ELL: variants seen among roughly 807,000 people sequenced by gnomAD.
ELL encodes elongation factor for RNA polymerase II.
Under a neutral mutation model 64.0 loss-of-function variants are expected in ELL, and 18 were observed. The ratio of observed to expected loss-of-function variants is 0.28; its 90% CI spans 0.19 to 0.42. The LOEUF is 0.42. Ranked by LOEUF, ELL falls within the 10% of genes least tolerant of loss-of-function variation. The probability of loss-of-function intolerance (pLI) is 1.00; values close to 1 mark genes in which losing one functional copy is unlikely to be tolerated. For synonymous variants in ELL, 399 were observed against 376.2 expected, an observed-to-expected ratio of 1.06 and a Z score of -0.70; for missense variants, 797 against 870.4, an observed-to-expected ratio of 0.92 and a Z score of 1.06.
At chr19:18,495,048 C>G (rs568611518) in intron 1 of ELL, among the ~76,000 whole-genome samples, 1 of 152,324 alleles carries the variant, frequency 6.6e-6, no homozygotes, top group African/African-American at 2.4e-5. Flanking sequence ...GCCCTGGGAA[C>G]TCATCAGCCA....
chr19:18,507,796 C>G (rs929286316), intron 1 of ELL, among the ~76,000 whole-genome samples: 1 of 152,210 alleles, frequency 6.6e-6, no homozygotes, highest in Non-Finnish European at 1.5e-5. Context: ...TGAGGCTCAG[C>G]TCAGAGACTG....
intron 1 of ELL, among the ~76,000 whole-genome samples, chr19:18,473,778 T>G (rs1380201719): frequency 6.6e-6 from 1 of 152,068 alleles, no homozygotes; most frequent in Non-Finnish European, 1.5e-5. Context: ...CCCTGGCTGA[T>G]CACCATGATT....
rs539053386 is a variant in ELL, at chr19:18,493,651, G to A, written c.136-20769C>T. ...CTCCACAGACGCCTGGAAGGGAGGC[G>A]TGTGTCCAGCTGTCTCCACCTGGAC... On this transcript the variant is annotated intron_variant, in intron 1 of 11. Coordinates refer to ENST00000262809, the MANE Select transcript of ELL (RefSeq NM_006532.4). Among the ~76,000 whole-genome samples the A allele has an allele frequency of 9.8e-5, 15 of 152,356 alleles. No individual in the cohort carries two copies. The East Asian group carries it at 2.9e-3, about 29-fold the overall frequency.
chr19:18,448,368 C>T (rs951556262), intron 8 of ELL: 3 of 152,200 alleles, frequency 2.0e-5, no homozygotes, highest in African/African-American at 2.4e-5. Flanking sequence ...CTGCCAAATT[C>T]CCAAAAGTGG....
At chr19:18,467,317 T>C (rs1974960881) in intron 2 of ELL, among the ~76,000 whole-genome samples, 1 of 152,080 alleles carries the variant, frequency 6.6e-6, no homozygotes, top group African/African-American at 2.4e-5. Flanking sequence ...CCGTCCCATC[T>C]GCTGGGGTCT....
At position 18,461,714 on chromosome 19, in the gene ELL, G is replaced by A; in HGVS notation, c.608C>T (p.Ser203Phe). The change falls in exon 5 of 12, where the codon TCC (serine) becomes TTC (phenylalanine). Residue 203 changes from serine (S) to phenylalanine (F), a missense_variant. Physicochemically the swap from Ser to Phe is radical, Grantham distance 155 (BLOSUM62 -2). Coordinates refer to ENST00000262809, the MANE Select transcript of ELL (RefSeq NM_006532.4). ...ASAVSGGSGVSQRPFRDRVLH... is the reference protein window; with the variant it reads ...ASAVSGGSGVFQRPFRDRVLH... Reference sequence around the variant, plus strand: ...CACTCGGTCACGGAAGGGCCTCTGGGACACCCCGCTGCCCCCACTCACGGC... The same window carrying A: ...CACTCGGTCACGGAAGGGCCTCTGGAACACCCCGCTGCCCCCACTCACGGC... 1 of 1,613,668 alleles carries A rather than the reference G, an allele frequency of 6.2e-7. No homozygotes were observed. Among genetic ancestry groups the A allele is most frequent in the Admixed American group, 1.7e-5 (1 of 60,024 alleles).
chr19:18,454,923 T>C (rs1293130490), intron 6 of ELL, among the ~76,000 whole-genome samples: 1 of 149,838 alleles, frequency 6.7e-6, no homozygotes, highest in African/African-American at 2.5e-5. Flanking sequence ...CTGAGGCCCT[T>C]GAGGTCAGGA....
chr19:18,483,567 G>A lies in ELL; in HGVS notation c.136-10685C>T, dbSNP rs571626675. Among the ~76,000 whole-genome samples the A allele has an allele frequency of 5.3e-5, 8 of 152,244 alleles. 1 individual carries two copies. The East Asian group carries it at 5.8e-4, about 11-fold the overall frequency. On this transcript the variant is annotated intron_variant, in intron 1 of 11. Transcript: ENST00000262809. ...CCTAAACTGCATGGGATCGGGTTCCGGTTGTTACAACTGAGGAAAATGAGG... is the reference window on the plus strand; with the variant it reads ...CCTAAACTGCATGGGATCGGGTTCCAGTTGTTACAACTGAGGAAAATGAGG...
intron 1 of ELL, among the ~76,000 whole-genome samples, chr19:18,498,193 T>C (rs1230933428): frequency 1.3e-5 from 2 of 151,532 alleles, no homozygotes; most frequent in South Asian, 2.1e-4. Flanking sequence ...GTGGGGTGGA[T>C]GGGACACTGA....
rs535476624 is a variant in ELL at position 18,444,382 on chromosome 19, C to T, written c.*370G>A. The T allele has an allele frequency of 3.8e-4, 101 of 262,594 alleles. No homozygotes were observed. Among genetic ancestry groups the T allele is most frequent in the Admixed American group, 1.3e-3 (27 of 20,354 alleles). 16.3% of individuals were successfully genotyped at this position (262,594 alleles called of 1,614,324 possible). A position where few individuals can be genotyped will look rare whatever the true frequency, so the allele number is the denominator to read the frequency against. On this transcript the variant is annotated 3_prime_UTR_variant, in exon 12 of 12. Transcript: ENST00000262809. ...TGCTTCTCTTTTGTACAAAAATAGA[C>T]TCAAGTCTCATTAGCAGTAGCTAAA... is the stretch of plus-strand genomic sequence containing the variant.
chr19:18,504,106 G>C (rs1329639623), intron 1 of ELL, among the ~76,000 whole-genome samples: 1 of 152,228 alleles, frequency 6.6e-6, no homozygotes, highest in Non-Finnish European at 1.5e-5. Flanking sequence ...CGGATGCAGG[G>C]GTCAACTGTG....
At chr19:18,495,112 T>C (rs1975619449) in intron 1 of ELL, among the ~76,000 whole-genome samples, 1 of 151,526 alleles carries the variant, frequency 6.6e-6, no homozygotes, top group South Asian at 2.1e-4. Context: ...AATGTTGGAG[T>C]AGACAAAAAC....
intron 1 of ELL, among the ~76,000 whole-genome samples, chr19:18,498,793 T>C (rs373372598): frequency 1.3e-5 from 2 of 151,928 alleles, no homozygotes; most frequent in Non-Finnish European, 2.9e-5. Flanking sequence ...CTACTAAAAA[T>C]ACAAAAATTA....
chr19:18,451,488 A>T, intron 7 of ELL, 64 bp downstream of exon 7: 2 of 1,311,534 alleles, frequency 1.5e-6, no homozygotes, highest in Non-Finnish European at 2.0e-6. Context: ...GACAAGGGTT[A>T]CTGATGCAGC....
intron 1 of ELL, among the ~76,000 whole-genome samples, chr19:18,516,445 G>T (rs1473450051): frequency 6.6e-6 from 1 of 152,154 alleles, no homozygotes; most frequent in Non-Finnish European, 1.5e-5. Context: ...TTGACCGCCG[G>T]TGAGTTACTC....
chr19:18,455,752 A>G (rs1248211734), intron 6 of ELL, among the ~76,000 whole-genome samples: 3 of 151,960 alleles, frequency 2.0e-5, no homozygotes, highest in Non-Finnish European at 4.4e-5. Context: ...AAATTAAGAG[A>G]CAGGATGAGA....
intron 1 of ELL, among the ~76,000 whole-genome samples, chr19:18,518,351 C>A (rs1976174640): frequency 6.6e-6 from 1 of 151,094 alleles, no homozygotes; most frequent in South Asian, 2.1e-4. Context: ...AAATTTAAAA[C>A]TTAGCCAGGT....
At chr19:18,466,980 G>A (rs2144922039) in intron 2 of ELL, among the ~76,000 whole-genome samples, 1 of 152,326 alleles carries the variant, frequency 6.6e-6, no homozygotes, top group Admixed American at 6.5e-5. Flanking sequence ...TTGCCTGCCT[G>A]TGCCTCACCT....
intron 1 of ELL, among the ~76,000 whole-genome samples, chr19:18,486,689 T>C (rs1975425201): frequency 6.6e-6 from 1 of 152,114 alleles, no homozygotes; most frequent in Non-Finnish European, 1.5e-5. Context: ...CATTGTCTGC[T>C]CACTGCAACC....
Sources: gnomAD v4.1 joint callset for allele counts (sites outside exome capture counted in the v4.1 genomes callset) on GRCh38, gnomAD v4.1.1 for gene constraint, MANE v1.5 for transcripts, NCBI Gene and HGNC (gene_info 2026-07-23, HGNC 2026-07-21) for gene names.